Variants in NPHP1 observed in about 807,000 individuals in gnomAD.
NPHP1 encodes nephrocystin-1.
A neutral mutation model predicts 90.4 loss-of-function variants in NPHP1; 70 were observed. The observed-to-expected ratio is 0.77, with a 90% CI of 0.64 to 0.95. The LOEUF (loss-of-function observed/expected upper bound fraction) is 0.95, where lower values mean the gene tolerates loss of function less well. Among genes scored for constraint, NPHP1 ranks in the 40% least tolerant of loss-of-function variants. The probability of loss-of-function intolerance (pLI) is 0.00; values close to 1 mark genes in which losing one functional copy is unlikely to be tolerated. For missense variants in NPHP1, 764 were observed against 795.9 expected, an observed-to-expected ratio of 0.96 and a Z score of 0.48; for synonymous variants, 256 against 271.7, an observed-to-expected ratio of 0.94 and a Z score of 0.57.
At chr2:110,198,392 C>T (rs189371137) in intron 2 of NPHP1, among the ~76,000 whole-genome samples, 16 of 152,218 alleles carry the variant, frequency 1.1e-4, no homozygotes, top group African/African-American at 3.1e-4. Flanking sequence ...CATATGCATA[C>T]ATCTAAGCTT....
At chr2:110,140,904 A>C (rs1390250804) in intron 16 of NPHP1, among the ~76,000 whole-genome samples, 2 of 152,214 alleles carry the variant, frequency 1.3e-5, no homozygotes, top group African/African-American at 4.8e-5. Context: ...TTTCAGTAGT[A>C]GTGGTAAGAA....
intron 17 of NPHP1, among the ~76,000 whole-genome samples, chr2:110,129,818 G>C (rs546894940): frequency 6.6e-6 from 1 of 152,264 alleles, no homozygotes; most frequent in East Asian, 1.9e-4. Context: ...GGAGAATATT[G>C]ACATTTCACA....
In NPHP1 at chr2:110,144,451, T is replaced by C. The variant is rs746114156; in HGVS notation, c.1429+42A>G. On this transcript the variant is annotated intron_variant, in intron 15 of 19. Transcript: ENST00000445609. ...GCTACCTCTCAGATGCTTCTATTTG[T>C]TTAATCTTTAAGGAAAGGAAGACAA... The C allele has an allele frequency of 2.3e-6, 3 of 1,316,454 alleles. No homozygotes were observed. The Admixed American group carries it at 5.0e-5, about 22-fold the overall frequency. The allele number at this position is 1,316,454 out of a possible 1,614,324, so 81.5% of individuals were successfully genotyped here.
chr2:110,144,636 G>C (rs1254935795), intron 14 of NPHP1, 67 bp from the exon 15 acceptor site: 4 of 928,040 alleles, frequency 4.3e-6, no homozygotes, highest in Non-Finnish European at 7.1e-6. Context: ...GGAGTCAGTA[G>C]TTAAATATTT....
chr2:110,187,883 A>T (rs1684408655), intron 2 of NPHP1, among the ~76,000 whole-genome samples: 1 of 151,086 alleles, frequency 6.6e-6, no homozygotes, highest in African/African-American at 2.4e-5. Flanking sequence ...AATAAATGTG[A>T]TTCATCACAT....
At chr2:110,158,168 T>C (rs1267878680) in intron 11 of NPHP1, among the ~76,000 whole-genome samples, 2 of 152,144 alleles carry the variant, frequency 1.3e-5, no homozygotes, top group Non-Finnish European at 2.9e-5. Context: ...GGACCATATA[T>C]TATATGATTC....
chr2:110,125,102 C>T (rs2104413310), intron 19 of NPHP1: 1 of 1,270,172 alleles, frequency 7.9e-7, no homozygotes, highest in South Asian at 1.6e-5. Context: ...ACAGAGACCA[C>T]AAGACCTGAA....
At chr2:110,163,557 C>T (rs1186940814) in intron 8 of NPHP1, 2 of 177,458 alleles carry the variant, frequency 1.1e-5, no homozygotes. Flanking sequence ...CAAGGATGTA[C>T]TTATAAGTAA....
chr2:110,129,494 G>A (rs1679622239), intron 17 of NPHP1, among the ~76,000 whole-genome samples: 1 of 152,142 alleles, frequency 6.6e-6, no homozygotes, highest in African/African-American at 2.4e-5. Flanking sequence ...TAGAGTAAGG[G>A]CAAGGAGGCT....
chr2:110,178,799 T>C, intron 3 of NPHP1: 1 of 414,682 alleles, frequency 2.4e-6, no homozygotes, highest in South Asian at 3.3e-5. Context: ...ATTATAGACC[T>C]TCCATAGTCA....
chr2:110,124,237 T>C lies in NPHP1; in HGVS notation c.1762-174A>G. 4.2e-6 allele frequency: 3 copies of C among 721,038 alleles called. No individual in the cohort carries two copies. The South Asian group carries it at 4.7e-5, about 11-fold the overall frequency. 44.7% of individuals were successfully genotyped at this position (721,038 alleles called of 1,614,324 possible). On this transcript the variant is annotated intron_variant, in intron 19 of 19. Coordinates refer to ENST00000445609, the MANE Select transcript of NPHP1 (RefSeq NM_001128178.3). ...GGACATGGCACTTCAGAAGTGGAAG[T>C]GAGCAGAGTTACACAGAGTACAGTG...
At chr2:110,187,266 C>T (rs895737391) in intron 2 of NPHP1, among the ~76,000 whole-genome samples, 30 of 151,938 alleles carry the variant, frequency 2.0e-4, no homozygotes, top group Non-Finnish European at 1.3e-4. Context: ...AATAGATACA[C>T]CACTAGCTAG....
At chr2:110,180,229 C>T (rs1361445074) in intron 2 of NPHP1, among the ~76,000 whole-genome samples, 3 of 152,088 alleles carry the variant, frequency 2.0e-5, no homozygotes, top group African/African-American at 7.2e-5. Flanking sequence ...TTGGCCTATT[C>T]CCACCACAGC....
At chr2:110,190,837 C>G (rs550569918) in intron 2 of NPHP1, among the ~76,000 whole-genome samples, 18 of 152,080 alleles carry the variant, frequency 1.2e-4, no homozygotes, top group African/African-American at 4.3e-4. Flanking sequence ...GTCTAATATC[C>G]AGAGTCTAAA....
chr2:110,170,874 T>C (rs1463568033), intron 4 of NPHP1, among the ~76,000 whole-genome samples: 1 of 152,054 alleles, frequency 6.6e-6, no homozygotes, highest in Non-Finnish European at 1.5e-5. Context: ...AAACATCAAG[T>C]AGCTCATGAA....
chr2:110,184,524 G>A, intron 2 of NPHP1: 1 of 1,224,932 alleles, frequency 8.2e-7, no homozygotes, highest in Non-Finnish European at 1.2e-6. Context: ...CACGGGGGTG[G>A]TGCTGGATTC....
At position 110,201,715 on chromosome 2, in the gene NPHP1, G is replaced by A. The variant is rs116522763; in HGVS notation, c.70-221C>T. Among the ~76,000 whole-genome samples the A allele has an allele frequency of 2.9e-3, 435 of 152,256 alleles. 3 individuals are homozygous for A. Among genetic ancestry groups the A allele is most frequent in the African/African-American group, 9.9e-3 (412 of 41,558 alleles). The stretch of plus-strand genomic sequence containing the variant: ...GTCAACCCACCTTATGCCTTTCAAA[G>A]TAAGTTGCAGTTATCAATACATTTC... On this transcript the variant is annotated intron_variant, in intron 1 of 19. Coordinates refer to ENST00000445609, the MANE Select transcript of NPHP1 (RefSeq NM_001128178.3).
intron 11 of NPHP1, among the ~76,000 whole-genome samples, chr2:110,150,975 G>A (rs947385377): frequency 6.7e-6 from 1 of 150,226 alleles, no homozygotes; most frequent in Non-Finnish European, 1.5e-5. Flanking sequence ...AGACCAGCCT[G>A]GCCAACATGA....
At chr2:110,154,599 G>A (rs1352574677) in intron 11 of NPHP1, among the ~76,000 whole-genome samples, 2 of 152,148 alleles carry the variant, frequency 1.3e-5, no homozygotes, top group African/African-American at 2.4e-5. Flanking sequence ...GGTAGTCTCT[G>A]ATGGAGATGA....
Sources: gnomAD v4.1 joint callset for allele counts (sites outside exome capture counted in the v4.1 genomes callset) on GRCh38, gnomAD v4.1.1 for gene constraint, MANE v1.5 for transcripts, NCBI Gene and HGNC (gene_info 2026-07-23, HGNC 2026-07-21) for gene names.